The following FRMD6 variants were observed in gnomAD, a reference collection of about 807,000 sequenced individuals.
The protein encoded by FRMD6 is FERM domain-containing protein 6.
In FRMD6, 37 loss-of-function variants were observed where a neutral mutation model predicts 73.2. The ratio of observed to expected loss-of-function variants is 0.51; its 90% CI spans 0.39 to 0.66. The LOEUF is 0.66. Ranked by LOEUF, FRMD6 falls within the 30% of genes least tolerant of loss-of-function variation. The pLI, the probability that FRMD6 is intolerant of heterozygous loss-of-function variation, is 0.00. For missense variants in FRMD6, 714 were observed against 780.5 expected, an observed-to-expected ratio of 0.91 and a Z score of 1.02; for synonymous variants, 273 against 282.2, an observed-to-expected ratio of 0.97 and a Z score of 0.33.
chr14:51,521,243 G>A (rs918069048), intron 1 of FRMD6, among the ~76,000 whole-genome samples: 3 of 152,150 alleles, frequency 2.0e-5, no homozygotes, highest in South Asian at 2.1e-4. Context: ...TTTATTCAAT[G>A]TAAGTTGTAG....
chr14:51,669,669 T>G (rs1893856318), intron 1 of FRMD6, among the ~76,000 whole-genome samples: 1 of 152,200 alleles, frequency 6.6e-6, no homozygotes, highest in African/African-American at 2.4e-5. Context: ...TGAAGTGACT[T>G]TTTTGGCCAT....
chr14:51,640,274 C>T (rs1029043980), intron 2 of FRMD6, among the ~76,000 whole-genome samples: 1 of 152,204 alleles, frequency 6.6e-6, no homozygotes, highest in Admixed American at 6.5e-5. Flanking sequence ...GATAGAGTTA[C>T]AATACCTAAA....
the FRMD6 span, among the ~76,000 whole-genome samples, chr14:51,405,929 A>G: frequency 1.3e-5 from 2 of 152,036 alleles, no homozygotes; most frequent in Admixed American, 6.6e-5. Flanking sequence ...CCAGGATGGT[A>G]TTGCCTAGGT....
intron 3 of FRMD6, 62 bp downstream of exon 3, chr14:51,698,294 T>C (rs1896077198): frequency 9.1e-7 from 1 of 1,095,288 alleles, no homozygotes; most frequent in Non-Finnish European, 1.4e-6. Context: ...TGACATCTTA[T>C]AGCTATAACT....
At chr14:51,592,156 CAT>C (rs370760745) in intron 2 of FRMD6, among the ~76,000 whole-genome samples, 38 of 152,288 alleles carry the variant, frequency 2.5e-4, no homozygotes, top group African/African-American at 8.9e-4. Context: ...ACAATTAGCA[CAT>C]GTTGCTTTTG....
At chr14:51,671,899 A>C (rs1410416198) in intron 1 of FRMD6, among the ~76,000 whole-genome samples, 1 of 152,242 alleles carries the variant, frequency 6.6e-6, no homozygotes, top group Admixed American at 6.5e-5. Context: ...GTGGAATCTC[A>C]GTTAATTCAG....
At chr14:51,679,522 TTGTC>T (rs900566174) in intron 1 of FRMD6, among the ~76,000 whole-genome samples, 2 of 150,436 alleles carry the variant, frequency 1.3e-5, no homozygotes, top group East Asian at 1.9e-4. Flanking sequence ...TTTGGAAAGA[TTGTC>T]TGTCAAAACA....
At chr14:51,637,001 A>T (rs1010831793) in intron 2 of FRMD6, among the ~76,000 whole-genome samples, 1 of 152,146 alleles carries the variant, frequency 6.6e-6, no homozygotes, top group African/African-American at 2.4e-5. Context: ...AGGTGGGAGG[A>T]TGGCTTAAGC....
the FRMD6 span, among the ~76,000 whole-genome samples, chr14:51,445,095 C>A: frequency 6.6e-6 from 1 of 152,160 alleles, no homozygotes; most frequent in Non-Finnish European, 1.5e-5. Flanking sequence ...CAGTTGACCA[C>A]CAAAACCTCA....
chr14:51,440,542 C>T, the FRMD6 span, among the ~76,000 whole-genome samples: 1 of 152,170 alleles, frequency 6.6e-6, no homozygotes, highest in Non-Finnish European at 1.5e-5. Flanking sequence ...GCACATTTCT[C>T]AAAGAATTGT....
chr14:51,687,810 T>A (rs1895272222), intron 1 of FRMD6, among the ~76,000 whole-genome samples: 1 of 152,188 alleles, frequency 6.6e-6, no homozygotes, highest in African/African-American at 2.4e-5. Context: ...TTTTTTTCTA[T>A]TATAAAGATG....
At chr14:51,553,151 G>C (rs116322973) in intron 1 of FRMD6, among the ~76,000 whole-genome samples, 1 of 152,194 alleles carries the variant, frequency 6.6e-6, no homozygotes, top group Non-Finnish European at 1.5e-5. Flanking sequence ...CCTCCTCTTG[G>C]AGCTCTGTTG....
intron 1 of FRMD6, among the ~76,000 whole-genome samples, chr14:51,528,752 G>A (rs1286922709): frequency 1.3e-5 from 2 of 152,160 alleles, no homozygotes; most frequent in Non-Finnish European, 2.9e-5. Context: ...CTGATATCCT[G>A]TGGTTCTTTT....
chr14:51,649,482 A>G (rs1892235858), upstream of FRMD6: 4 of 152,244 alleles, frequency 2.6e-5, no homozygotes, highest in South Asian at 2.1e-4. Flanking sequence ...ATTTTGATTC[A>G]TGAAACCTGA....
the FRMD6 span, among the ~76,000 whole-genome samples, chr14:51,400,320 T>C: frequency 6.6e-6 from 1 of 152,102 alleles, no homozygotes; most frequent in African/African-American, 2.4e-5. Context: ...ACTCTCTACT[T>C]CTACTTTTTT....
the FRMD6 span, among the ~76,000 whole-genome samples, chr14:51,479,058 T>C: frequency 6.6e-6 from 1 of 152,150 alleles, no homozygotes; most frequent in African/African-American, 2.4e-5. Context: ...ATTAACAACC[T>C]CCCCTACCTT....
chr14:51,657,942 C>G (rs1365953891), intron 1 of FRMD6, among the ~76,000 whole-genome samples: 1 of 152,172 alleles, frequency 6.6e-6, no homozygotes, highest in Non-Finnish European at 1.5e-5. Flanking sequence ...CATACAGAGT[C>G]TCACAGCTGA....
At chr14:51,549,576 A>T (rs983619529) in intron 1 of FRMD6, among the ~76,000 whole-genome samples, 1 of 143,306 alleles carries the variant, frequency 7.0e-6, no homozygotes, top group African/African-American at 2.7e-5. Context: ...CAGCTGGAGT[A>T]TAAACTTTTT....
intron 1 of FRMD6, among the ~76,000 whole-genome samples, chr14:51,565,828 G>A (rs1887739740): frequency 6.6e-6 from 1 of 152,136 alleles, no homozygotes. Flanking sequence ...AACCAGGAAA[G>A]TTTAATGGAT....
Sources: gnomAD v4.1 joint callset for allele counts (sites outside exome capture counted in the v4.1 genomes callset) on GRCh38, gnomAD v4.1.1 for gene constraint, MANE v1.5 for transcripts, NCBI Gene and HGNC (gene_info 2026-07-23, HGNC 2026-07-21) for gene names.